Variants in FRMD5 observed in about 807,000 individuals in gnomAD.
The protein encoded by FRMD5 is FERM domain-containing protein 5.
Under a neutral mutation model 69.0 loss-of-function variants are expected in FRMD5, and 20 were observed. The observed-to-expected ratio is 0.29, with a 90% CI of 0.20 to 0.42. The LOEUF (loss-of-function observed/expected upper bound fraction) is 0.42. Among genes scored for constraint, FRMD5 ranks in the 10% least tolerant of loss-of-function variants. The pLI, the probability that FRMD5 is intolerant of heterozygous loss-of-function variation, is 1.00. For missense variants in FRMD5, 595 were observed against 708.6 expected, an observed-to-expected ratio of 0.84 and a Z score of 1.82; for synonymous variants, 271 against 260.1, an observed-to-expected ratio of 1.04 and a Z score of -0.40.
rs1416994052 is a variant in FRMD5 at position 43,919,522 on chromosome 15, G to C, written c.266C>G (p.Thr89Ser). Residue 89 changes from threonine to serine, a missense_variant, in exon 4 of 14, where the codon ACC becomes AGC. Physicochemically the swap from Thr to Ser is moderately conservative, Grantham distance 58 (BLOSUM62 1). Around this residue, in one of 5 missense-constraint regions of FRMD5, gnomAD observed 79 missense variants for 139.9 expected, o/e 0.56. Transcript: ENST00000417257. ...VKQLRSQPPF[T>S]MCFRVKFYPA... ...ATAAAACTTCACACGGAAGCACATG[G>C]TGAATGGAGGCTGGGCTGCAGAGAA... is the stretch of plus-strand genomic sequence containing the variant. 96 of 1,613,840 alleles carry C rather than the reference G, an allele frequency of 5.9e-5. No homozygotes were observed. The highest frequency in any genetic ancestry group is 7.8e-5 in the Non-Finnish European group (92 of 1,180,012).
intron 1 of FRMD5, among the ~76,000 whole-genome samples, chr15:44,140,622 T>A (rs1045033326): frequency 6.6e-6 from 1 of 152,082 alleles, no homozygotes; most frequent in African/African-American, 2.4e-5. Flanking sequence ...CTCGTTCCTG[T>A]AATCCCAGCA....
chr15:43,927,364 T>A (rs1202570528), intron 1 of FRMD5, among the ~76,000 whole-genome samples: 4 of 152,088 alleles, frequency 2.6e-5, no homozygotes, highest in Non-Finnish European at 4.4e-5. Context: ...ATTCCTCCTG[T>A]CTTTGGTCCC....
chr15:43,949,557 C>G (rs2089995419), intron 1 of FRMD5, among the ~76,000 whole-genome samples: 1 of 152,194 alleles, frequency 6.6e-6, no homozygotes, highest in Non-Finnish European at 1.5e-5. Context: ...TCTGAAAGTC[C>G]TGCTTGGTAG....
intron 1 of FRMD5, among the ~76,000 whole-genome samples, chr15:44,046,721 C>A (rs1426658): frequency 1.3e-5 from 2 of 152,144 alleles, no homozygotes; most frequent in Admixed American, 6.5e-5. Context: ...CAGTTCCTAA[C>A]CTTTTTACAT....
At chr15:43,915,095 T>G (rs1490690689) in intron 4 of FRMD5, among the ~76,000 whole-genome samples, 1 of 152,200 alleles carries the variant, frequency 6.6e-6, no homozygotes, top group Non-Finnish European at 1.5e-5. Context: ...TGTTCTTGCC[T>G]TGTCACAGAG....
intron 1 of FRMD5, among the ~76,000 whole-genome samples, chr15:43,927,075 C>T (rs992727259): frequency 6.6e-6 from 1 of 151,964 alleles, no homozygotes; most frequent in Admixed American, 6.6e-5. Flanking sequence ...AACCCCAAAC[C>T]CCACTGAATG....
intron 1 of FRMD5, among the ~76,000 whole-genome samples, chr15:44,073,320 A>T: frequency 6.6e-6 from 1 of 152,194 alleles, no homozygotes; most frequent in Middle Eastern, 3.2e-3. Context: ...GAGCAAACTT[A>T]ATATTCAGCC....
chr15:43,903,785 C>A (rs2089104287), intron 6 of FRMD5, among the ~76,000 whole-genome samples: 1 of 152,162 alleles, frequency 6.6e-6, no homozygotes, highest in African/African-American at 2.4e-5. Context: ...TCAAAGCGGG[C>A]ATCATTTCCT....
At chr15:44,037,920 A>C (rs1262322434) in intron 1 of FRMD5, among the ~76,000 whole-genome samples, 1 of 152,106 alleles carries the variant, frequency 6.6e-6, no homozygotes, top group Non-Finnish European at 1.5e-5. Flanking sequence ...CACTCCCACC[A>C]ACAAAAGCAT....
intron 1 of FRMD5, among the ~76,000 whole-genome samples, chr15:44,053,284 T>C (rs770724140): frequency 6.6e-6 from 1 of 152,164 alleles, no homozygotes; most frequent in Non-Finnish European, 1.5e-5. Context: ...TTGCCAGTCA[T>C]GGTAAAGATT....
At chr15:44,147,560 T>G (rs2077376218) in intron 1 of FRMD5, among the ~76,000 whole-genome samples, 1 of 152,210 alleles carries the variant, frequency 6.6e-6, no homozygotes, top group African/African-American at 2.4e-5. Context: ...TAAATGACTG[T>G]GGGCAGTATG....
intron 1 of FRMD5, among the ~76,000 whole-genome samples, chr15:44,046,259 G>A (rs139619954): frequency 8.5e-5 from 13 of 152,084 alleles, no homozygotes; most frequent in African/African-American, 2.9e-4. Context: ...GGAACAAGTA[G>A]GACAGAACTC....
intron 8 of FRMD5, 122 bp downstream of exon 8, chr15:43,891,859 G>A (rs2088800305): frequency 9.3e-6 from 7 of 755,214 alleles, no homozygotes; most frequent in Non-Finnish European, 1.6e-5. Context: ...CACCATCAAC[G>A]CAAGGCTTTG....
chr15:44,062,890 T>G (rs932815110), intron 1 of FRMD5, among the ~76,000 whole-genome samples: 1 of 152,134 alleles, frequency 6.6e-6, no homozygotes, highest in African/African-American at 2.4e-5. Context: ...AATTTTTCCT[T>G]GGTACCTTTG....
intron 1 of FRMD5, among the ~76,000 whole-genome samples, chr15:43,981,276 G>T (rs1484887851): frequency 6.6e-6 from 1 of 152,082 alleles, no homozygotes; most frequent in African/African-American, 2.4e-5. Context: ...TTTGTATGTT[G>T]TATGTGTGAC....
At chr15:43,879,055 A>G (rs2088450904) in intron 13 of FRMD5, among the ~76,000 whole-genome samples, 1 of 148,466 alleles carries the variant, frequency 6.7e-6, no homozygotes, top group Non-Finnish European at 1.5e-5. Context: ...CTCCCACCTC[A>G]GCCCTGCGAG....
At chr15:44,119,093 C>A (rs752028257) in intron 1 of FRMD5, among the ~76,000 whole-genome samples, 2 of 152,062 alleles carry the variant, frequency 1.3e-5, no homozygotes, top group Non-Finnish European at 2.9e-5. Context: ...GTAGCTGGGA[C>A]TACAGGTATG....
chr15:43,926,779 C>T (rs1418850157), intron 1 of FRMD5, among the ~76,000 whole-genome samples: 1 of 151,200 alleles, frequency 6.6e-6, no homozygotes, highest in Non-Finnish European at 1.5e-5. Flanking sequence ...TTTCACATGA[C>T]TAGAGGCTAT....
At chr15:43,943,803 C>T (rs2089900846) in intron 1 of FRMD5, among the ~76,000 whole-genome samples, 1 of 152,250 alleles carries the variant, frequency 6.6e-6, no homozygotes, top group African/African-American at 2.4e-5. Flanking sequence ...TGATTTCAAA[C>T]TTCTAGTTTC....
Sources: gnomAD v4.1 joint callset for allele counts (sites outside exome capture counted in the v4.1 genomes callset) on GRCh38, gnomAD v4.1.1 for gene constraint, gnomAD v4.1.1 regional missense constraint, MANE v1.5 for transcripts, NCBI Gene and HGNC (gene_info 2026-07-23, HGNC 2026-07-21) for gene names.